The following NDST3 variants were observed in gnomAD, a reference collection of about 807,000 sequenced individuals.
The protein encoded by NDST3 is bifunctional heparan sulfate N-deacetylase/N-sulfotransferase 3.
In NDST3, 58 loss-of-function variants were observed where a neutral mutation model predicts 96.1. That is an observed-to-expected ratio of 0.60 (90% CI 0.49 to 0.75). The LOEUF (loss-of-function observed/expected upper bound fraction) is 0.75. Among genes scored for constraint, NDST3 ranks in the 30% least tolerant of loss-of-function variants. The pLI, the probability that NDST3 is intolerant of heterozygous loss-of-function variation, is 0.00. For synonymous variants in NDST3, 333 were observed against 359.7 expected (o/e 0.93, Z 0.84); for missense variants, 788 against 1,034.2 (o/e 0.76, Z 3.27).
chr4:118,059,382 A>T (rs1725713214), intron 2 of NDST3, among the ~76,000 whole-genome samples: 1 of 152,138 alleles, frequency 6.6e-6, no homozygotes, highest in Non-Finnish European at 1.5e-5. Context: ...GAAGAAAGGG[A>T]AGTTCTTAAA....
chr4:118,177,854 G>C (rs948252941), intron 6 of NDST3, among the ~76,000 whole-genome samples: 1 of 151,892 alleles, frequency 6.6e-6, no homozygotes, highest in Non-Finnish European at 1.5e-5. Context: ...GATTCGGTTA[G>C]GTGAAGGAGT....
intron 6 of NDST3, among the ~76,000 whole-genome samples, chr4:118,220,184 T>C (rs1381809773): frequency 6.6e-6 from 1 of 151,958 alleles, no homozygotes; most frequent in Non-Finnish European, 1.5e-5. Context: ...CTATTTAAAA[T>C]AGCAGACACG....
chr4:118,215,168 T>C (rs1180248864), intron 6 of NDST3, among the ~76,000 whole-genome samples: 1 of 152,080 alleles, frequency 6.6e-6, no homozygotes, highest in Admixed American at 6.6e-5. Context: ...CTGGGGATCA[T>C]TGTGGTGATT....
intron 6 of NDST3, among the ~76,000 whole-genome samples, chr4:118,198,101 T>C (rs1737819918): frequency 6.6e-6 from 1 of 152,076 alleles, no homozygotes; most frequent in African/African-American, 2.4e-5. Context: ...CCTGGCCTCA[T>C]TGTTTTTTTA....
At chr4:118,194,927 G>A (rs546089503) in intron 6 of NDST3, among the ~76,000 whole-genome samples, 17 of 152,266 alleles carry the variant, frequency 1.1e-4, no homozygotes, top group African/African-American at 4.1e-4. Context: ...GTCAGGTAAT[G>A]TGATTCTCTC....
At chr4:118,046,511 C>T (rs1489161724) in intron 1 of NDST3, among the ~76,000 whole-genome samples, 1 of 152,180 alleles carries the variant, frequency 6.6e-6, no homozygotes, top group Non-Finnish European at 1.5e-5. Flanking sequence ...TTCCAGCCTG[C>T]CAGCCCCTCT....
At chr4:118,065,183 A>G (rs1181612465) in intron 2 of NDST3, among the ~76,000 whole-genome samples, 1 of 152,124 alleles carries the variant, frequency 6.6e-6, no homozygotes, top group East Asian at 1.9e-4. Flanking sequence ...GTGTACCACA[A>G]GCTATGCTCT....
intron 2 of NDST3, among the ~76,000 whole-genome samples, chr4:118,074,714 A>T (rs1352574254): frequency 5.9e-5 from 9 of 152,064 alleles, no homozygotes; most frequent in Non-Finnish European, 1.3e-4. Context: ...TGTGCCTTTT[A>T]ATTGGGGAAT....
At chr4:118,049,170 A>G (rs1488782957) in intron 1 of NDST3, among the ~76,000 whole-genome samples, 1 of 152,198 alleles carries the variant, frequency 6.6e-6, no homozygotes, top group Non-Finnish European at 1.5e-5. Context: ...ATTCTTTGAA[A>G]TTAATGAAGG....
At chr4:118,147,285 G>C (rs544527725) in intron 6 of NDST3, among the ~76,000 whole-genome samples, 1 of 152,278 alleles carries the variant, frequency 6.6e-6, no homozygotes, top group South Asian at 2.1e-4. Flanking sequence ...ACCTCAGAGT[G>C]TTCGTTGATT....
At chr4:118,139,069 G>A (rs1267988995) in intron 5 of NDST3, among the ~76,000 whole-genome samples, 1 of 152,158 alleles carries the variant, frequency 6.6e-6, no homozygotes. Flanking sequence ...TTTTCAGAGA[G>A]TTTTTCAATG....
chr4:118,188,675 C>A (rs1737121663), intron 6 of NDST3, among the ~76,000 whole-genome samples: 1 of 152,126 alleles, frequency 6.6e-6, no homozygotes, highest in South Asian at 2.1e-4. Context: ...GTTTTAAAAA[C>A]CAGTCAGTTT....
chr4:118,159,383 G>A (rs1734939787), intron 6 of NDST3, among the ~76,000 whole-genome samples: 1 of 152,186 alleles, frequency 6.6e-6, no homozygotes, highest in South Asian at 2.1e-4. Flanking sequence ...GTCTATTGCA[G>A]ATGTATCCAC....
In NDST3 at chr4:118,171,289, TC is replaced by T. The variant is rs563858697; in HGVS notation, c.1539+27607del. Among the ~76,000 whole-genome samples, 13 of 152,258 alleles carry T rather than the reference TC, an allele frequency of 8.5e-5. No homozygotes were observed. The South Asian group carries it at 2.7e-3, about 32-fold the overall frequency. ...TACAAATTTGGGCCAGGAGAGGCAA[TC>T]CTGGCAAGGAAATTTTTTTAAAAAG... On this transcript the variant is annotated intron_variant, in intron 6 of 13. Coordinates refer to ENST00000296499, the MANE Select transcript of NDST3 (RefSeq NM_004784.3).
intron 12 of NDST3, among the ~76,000 whole-genome samples, chr4:118,247,786 C>T (rs1047905631): frequency 2.0e-5 from 3 of 152,092 alleles, no homozygotes; most frequent in Admixed American, 6.5e-5. Context: ...AAATGCATAT[C>T]AGTAAAATGA....
At chr4:118,074,781 G>T (rs75593499) in intron 2 of NDST3, among the ~76,000 whole-genome samples, 4,783 of 152,080 alleles carry the variant, frequency 0.031, 120 homozygotes, top group Non-Finnish European at 0.05. Flanking sequence ...TCCTCTCATT[G>T]TGTTTTTGGT....
At chr4:118,105,131 C>T (rs760207365) in intron 3 of NDST3, 26 bp downstream of exon 3, 3 of 1,539,012 alleles carry the variant, frequency 1.9e-6, no homozygotes, top group Admixed American at 1.7e-5. Flanking sequence ...TAACTGTTCT[C>T]ATTAAGGCTT....
chr4:118,092,072 A>ATTTATTTG (rs1560636318), intron 2 of NDST3, among the ~76,000 whole-genome samples: 1 of 139,662 alleles, frequency 7.2e-6, no homozygotes, highest in African/African-American at 2.5e-5. Flanking sequence ...TTATTTATTT[A>ATTTATTTG]TTTATTATAT....
chr4:118,207,008 T>C (rs1321022995), intron 6 of NDST3, among the ~76,000 whole-genome samples: 1 of 143,392 alleles, frequency 7.0e-6, no homozygotes, highest in African/African-American at 2.6e-5. Flanking sequence ...TATATATATA[T>C]AATAAGAATG....
Sources: allele counts gnomAD v4.1 joint callset (sites outside exome capture counted in the v4.1 genomes callset), GRCh38; gene constraint gnomAD v4.1.1; transcripts MANE v1.5; gene names NCBI Gene and HGNC (gene_info 2026-07-23, HGNC 2026-07-21).